The following TIMM44 variants were observed in gnomAD, a reference collection of about 807,000 sequenced individuals.
TIMM44 encodes mitochondrial import inner membrane translocase subunit TIM44.
A neutral mutation model predicts 63.8 loss-of-function variants in TIMM44; 37 were observed. The observed-to-expected ratio is 0.58, with a 90% CI of 0.45 to 0.76. The LOEUF is 0.76. Ranked by LOEUF, TIMM44 falls within the 30% of genes least tolerant of loss-of-function variation. The pLI is 0.00. For synonymous variants in TIMM44, 239 were observed against 245.1 expected (o/e 0.98, Z 0.23); for missense variants, 573 against 603.8 (o/e 0.95, Z 0.54).
At chr19:7,930,396 C>A (rs1233001188) in intron 10 of TIMM44, among the ~76,000 whole-genome samples, 1 of 151,210 alleles carries the variant, frequency 6.6e-6, no homozygotes, top group Admixed American at 6.6e-5. Flanking sequence ...GTAACCTCCA[C>A]CTCCCGGATT....
intron 10 of TIMM44, among the ~76,000 whole-genome samples, chr19:7,930,390 C>T (rs148995957): frequency 4.6e-4 from 69 of 150,278 alleles, no homozygotes; most frequent in Non-Finnish European, 7.5e-4. Context: ...CTCACTGTAA[C>T]CTCCACCTCC....
rs144013431 is a variant in TIMM44 at position 7,933,446 on chromosome 19, G to A, written c.769+39C>T. 3.3e-5 allele frequency: 52 copies of A among 1,585,600 alleles called. No homozygotes were observed. Among genetic ancestry groups the A allele is most frequent in the East Asian group, 2.5e-4 (11 of 44,746 alleles). ...TCACCTTGCGGTCCACCAACTGCCC[G>A]GGACACAGTCACCTGCCCTCCAAGA... On this transcript the variant is annotated intron_variant, in intron 7 of 12. Transcript: ENST00000270538. This position sits in a 1 kb window ranked among gnomAD's most constrained non-coding sequence, Gnocchi z 4.3.
At chr19:7,928,821 C>T (rs1053381537) in intron 10 of TIMM44, 3 of 150,074 alleles carry the variant, frequency 2.0e-5, no homozygotes, top group Non-Finnish European at 2.9e-5. Flanking sequence ...CTTCTGTGGA[C>T]GTGGCTGGAA....
At chr19:7,938,513 A>C (rs1040939118) in intron 2 of TIMM44, among the ~76,000 whole-genome samples, 5 of 152,158 alleles carry the variant, frequency 3.3e-5, no homozygotes, top group Admixed American at 3.3e-4. Context: ...ACAGCACCCT[A>C]TTTAAAAAAC....
intron 3 of TIMM44, among the ~76,000 whole-genome samples, chr19:7,937,097 G>C (rs1473560523): frequency 6.6e-6 from 1 of 150,794 alleles, no homozygotes; most frequent in Non-Finnish European, 1.5e-5. Context: ...GTAAGACTCT[G>C]CTTCAAAAAA....
chr19:7,939,742 C>T (rs191145502), intron 2 of TIMM44, among the ~76,000 whole-genome samples: 2 of 152,100 alleles, frequency 1.3e-5, no homozygotes, highest in East Asian at 3.9e-4. Context: ...ATGGTGAAAC[C>T]TTGTCTCTAC....
Position 7,933,812 on chromosome 19 carries a change from CA to C in TIMM44, c.683+51del, listed in dbSNP as rs1984056551. 1 of 1,611,590 alleles carries C rather than the reference CA, an allele frequency of 6.2e-7. No individual in the cohort carries two copies. Among genetic ancestry groups the C allele is most frequent in the Non-Finnish European group, 8.5e-7 (1 of 1,179,470 alleles). On this transcript the variant is annotated intron_variant, in intron 6 of 12. Transcript: ENST00000270538. This position sits in a 1 kb window ranked among gnomAD's most constrained non-coding sequence, Gnocchi z 4.3. Reference sequence around the variant, plus strand: ...ATTGGTGGGCTCCCGAAATGGACAGCAGTGAAAGCTGCCCAAAATGGGGGCA... The same window carrying C: ...ATTGGTGGGCTCCCGAAATGGACAGCGTGAAAGCTGCCCAAAATGGGGGCA...
intron 9 of TIMM44, chr19:7,932,349 C>T: frequency 2.0e-6 from 1 of 510,512 alleles, no homozygotes; most frequent in Non-Finnish European, 3.5e-6. Flanking sequence ...CCTCCAGCAG[C>T]TGCTCCCAGC....
chr19:7,934,149 C>T lies in TIMM44; in HGVS notation c.483G>A (p.Glu161=). The change falls in exon 5 of 13, where the codon GAG becomes GAA. Residue 161 remains glutamate (E), a synonymous_variant. Coordinates refer to ENST00000270538, the MANE Select transcript of TIMM44 (RefSeq NM_006351.4). The surrounding 1 kb of genome is among the most constrained non-coding windows in gnomAD (Gnocchi z 5.3). The stretch of plus-strand genomic sequence containing the variant: ...GCTTCTCCCCGCCTTTGGATACCGA[C>T]TCGGCCGACTGCTTGGCCGTCTTGG... ...EAAKTAKQSA[E]SVSKGGEKLG... 1 of 1,613,598 alleles carries T rather than the reference C, an allele frequency of 6.2e-7. No individual in the cohort carries two copies. Among genetic ancestry groups the T allele is most frequent in the Non-Finnish European group, 8.5e-7 (1 of 1,179,998 alleles).
chr19:7,931,388 G>A (rs1983978467), intron 9 of TIMM44, 200 bp from the exon 10 acceptor site: 1 of 621,904 alleles, frequency 1.6e-6, no homozygotes, highest in Non-Finnish European at 2.9e-6. Context: ...GCCTGGCTCT[G>A]GCCTAGGCAC....
intron 9 of TIMM44, chr19:7,932,280 GAC>G: frequency 2.8e-6 from 1 of 359,252 alleles, no homozygotes; most frequent in South Asian, 2.8e-5. Flanking sequence ...GATGTCTGAA[GAC>G]AGACGCCCAC....
chr19:7,927,137 C>T lies in TIMM44; in HGVS notation c.*50G>A. The T allele has an allele frequency of 3.8e-6, 6 of 1,571,020 alleles. No individual in the cohort carries two copies. Among genetic ancestry groups the T allele is most frequent in the Non-Finnish European group, 5.1e-6 (6 of 1,165,172 alleles). ...AGTTGCCGCAGGTGGTGTTGCGGTG[C>T]CTCTGTGCCTGATGACCCAGGCCGG... On this transcript the variant is annotated 3_prime_UTR_variant, in exon 13 of 13. Coordinates refer to ENST00000270538, the MANE Select transcript of TIMM44 (RefSeq NM_006351.4).
chr19:7,933,447 G>A lies in TIMM44; in HGVS notation c.769+38C>T, dbSNP rs541220522. On this transcript the variant is annotated intron_variant, in intron 7 of 12. Coordinates refer to ENST00000270538, the MANE Select transcript of TIMM44 (RefSeq NM_006351.4). This position sits in a 1 kb window ranked among gnomAD's most constrained non-coding sequence, Gnocchi z 4.3. ...CACCTTGCGGTCCACCAACTGCCCG[G>A]GACACAGTCACCTGCCCTCCAAGAC... 1 of 1,589,418 alleles carries A rather than the reference G, an allele frequency of 6.3e-7. No homozygotes were observed. The highest frequency in any genetic ancestry group is 8.6e-7 in the Non-Finnish European group (1 of 1,157,450).
chr19:7,930,789 T>C (rs1158267046), intron 10 of TIMM44, among the ~76,000 whole-genome samples: 3 of 152,042 alleles, frequency 2.0e-5, no homozygotes, highest in Non-Finnish European at 2.9e-5. Flanking sequence ...CCCAGTAAAA[T>C]TGGCAGCTTT....
intron 10 of TIMM44, among the ~76,000 whole-genome samples, chr19:7,929,944 G>T (rs1983933083): frequency 6.6e-6 from 1 of 151,610 alleles, no homozygotes; most frequent in African/African-American, 2.4e-5. Context: ...CGCCTCCTGG[G>T]TTCTAGCGAT....
chr19:7,927,179 C>T lies in TIMM44; in HGVS notation c.*8G>A. 1 of 1,605,784 alleles carries T rather than the reference C, an allele frequency of 6.2e-7. No individual in the cohort carries two copies. Among genetic ancestry groups the T allele is most frequent in the East Asian group, 2.2e-5 (1 of 44,808 alleles). On this transcript the variant is annotated 3_prime_UTR_variant, in exon 13 of 13. Transcript: ENST00000270538. ...CCAGGCCGGGGCTACCTGGCTCCGG[C>T]ACCACACTCAGAGAATCTGCTCGGT...
chr19:7,935,180 T>C lies in TIMM44; in HGVS notation c.313-35A>G. 2 of 1,549,678 alleles carry C rather than the reference T, an allele frequency of 1.3e-6. 1 individual carries two copies. Among genetic ancestry groups the C allele is most frequent in the Middle Eastern group, 3.6e-4 (2 of 5,528 alleles). ...GAGCGCTGTGTCCTTTTTTTTTTTT[T>C]TTTTTTTGAGACAATGTCTCCGTTG... On this transcript the variant is annotated intron_variant, in intron 3 of 12. Transcript: ENST00000270538.
At position 7,932,891 on chromosome 19, in the gene TIMM44, C is replaced by T; in HGVS notation, c.811G>A (p.Ala271Thr). The change falls in exon 8 of 13, where the codon GCG (alanine) becomes ACG (threonine). Residue 271 changes from alanine (A) to threonine (T), a missense_variant. Physicochemically the swap from Ala to Thr is moderately conservative, Grantham distance 58. Coordinates refer to ENST00000270538, the MANE Select transcript of TIMM44 (RefSeq NM_006351.4). ...AGGGCCCGGGATGCCCGGATGAACGCGTTGTCGCTTTCGTCATACTTCATC... is the reference window on the plus strand; with the variant it reads ...AGGGCCCGGGATGCCCGGATGAACGTGTTGTCGCTTTCGTCATACTTCATC... Reference protein sequence around the residue: ...MKMKYDESDNAFIRASRALTD... With the variant: ...MKMKYDESDNTFIRASRALTD... The T allele has an allele frequency of 2.5e-6, 4 of 1,614,222 alleles. No individual in the cohort carries two copies. The highest frequency in any genetic ancestry group is 1.7e-6 in the Non-Finnish European group (2 of 1,180,036).
chr19:7,934,195 T>C lies in TIMM44; in HGVS notation c.437A>G (p.Lys146Arg), dbSNP rs1354228060. Residue 146 changes from lysine (K) to arginine (R), a missense_variant, in exon 5 of 13, where the codon AAG becomes AGG. By Grantham distance (26) the Lys-to-Arg change is conservative. Transcript: ENST00000270538. The surrounding 1 kb of genome is among the most constrained non-coding windows in gnomAD (Gnocchi z 5.3). Reference sequence around the variant, plus strand: ...CTTGGCTGCTTCCTCCACGCCCTCCTTGATTTTCCGGCCGAGATCACTTTT... The same window carrying C: ...CTTGGCTGCTTCCTCCACGCCCTCCCTGATTTTCCGGCCGAGATCACTTTT... ...VSKSDLGRKI[K>R]EGVEEAAKTA... is the part of the protein sequence containing the mutation. 3 of 1,613,458 alleles carry C rather than the reference T, an allele frequency of 1.9e-6. No individual in the cohort carries two copies. The South Asian group carries it at 3.3e-5, about 18-fold the overall frequency.
Sources: gnomAD v4.1 joint callset for allele counts (sites outside exome capture counted in the v4.1 genomes callset) on GRCh38, gnomAD v4.1.1 for gene constraint, Gnocchi (gnomAD v3.1) non-coding constraint, MANE v1.5 for transcripts, NCBI Gene and HGNC (gene_info 2026-07-23, HGNC 2026-07-21) for gene names.